Variants in THSD7B observed in about 807,000 individuals in gnomAD.
THSD7B encodes the protein thrombospondin type-1 domain-containing protein 7B.
A neutral mutation model predicts 213.6 loss-of-function variants in THSD7B; 138 were observed. That is an observed-to-expected ratio of 0.65 (90% CI 0.56 to 0.74). THSD7B has a LOEUF of 0.74. Among genes scored for constraint, THSD7B ranks in the 30% least tolerant of loss-of-function variants. The pLI, the probability that THSD7B is intolerant of heterozygous loss-of-function variation, is 0.00. For missense variants in THSD7B, 1,931 were observed against 1,991.5 expected (o/e 0.97, Z 0.58); for synonymous variants, 742 against 687.0 (o/e 1.08, Z -1.25).
intron 20 of THSD7B, among the ~76,000 whole-genome samples, chr2:137,640,350 GTAAGTC>G (rs1030305028): frequency 3.9e-5 from 6 of 152,132 alleles, no homozygotes; most frequent in African/African-American, 1.4e-4. Flanking sequence ...ATGTGGAACT[GTAAGTC>G]TAATTAAACT....
At chr2:137,315,676 G>T (rs1684080322) in intron 12 of THSD7B, among the ~76,000 whole-genome samples, 1 of 151,628 alleles carries the variant, frequency 6.6e-6, no homozygotes, top group South Asian at 2.1e-4. Flanking sequence ...TTCTTGTTCT[G>T]TTACCTTTTT....
intron 12 of THSD7B, among the ~76,000 whole-genome samples, chr2:137,334,917 A>G (rs1684604350): frequency 6.6e-6 from 1 of 152,028 alleles, no homozygotes; most frequent in Admixed American, 6.6e-5. Flanking sequence ...ATGAGATCTG[A>G]TGGTTTTATA....
chr2:137,067,901 G>A (rs1687411185), intron 3 of THSD7B, among the ~76,000 whole-genome samples: 2 of 151,988 alleles, frequency 1.3e-5, no homozygotes, highest in African/African-American at 4.8e-5. Context: ...GGCTACTGAA[G>A]GTATACTCAC....
intron 15 of THSD7B, chr2:137,538,382 A>C: frequency 2.2e-6 from 1 of 449,714 alleles, no homozygotes; most frequent in Non-Finnish European, 4.3e-6. Context: ...AGGGGAAAGG[A>C]TTTCTACTTT....
intron 16 of THSD7B, among the ~76,000 whole-genome samples, chr2:137,568,626 G>A (rs936848627): frequency 6.6e-6 from 1 of 152,148 alleles, no homozygotes; most frequent in African/African-American, 2.4e-5. Context: ...AAGCAAGCTT[G>A]GACCTTCTCA....
At chr2:137,593,485 A>G (rs1681903299) in intron 17 of THSD7B, among the ~76,000 whole-genome samples, 1 of 151,944 alleles carries the variant, frequency 6.6e-6, no homozygotes, top group South Asian at 2.1e-4. Context: ...ATATACAGTA[A>G]TATCTTTTAG....
intron 2 of THSD7B, among the ~76,000 whole-genome samples, chr2:136,950,566 G>A (rs1233136300): frequency 2.6e-5 from 4 of 152,132 alleles, no homozygotes; most frequent in African/African-American, 9.7e-5. Context: ...CTTTACGTCT[G>A]ATTCTTAATA....
intron 2 of THSD7B, among the ~76,000 whole-genome samples, chr2:136,913,487 C>T (rs1328886573): frequency 6.6e-6 from 1 of 152,208 alleles, no homozygotes; most frequent in African/African-American, 2.4e-5. Flanking sequence ...TGTCTCCAGG[C>T]CATGTCAGAG....
intron 12 of THSD7B, among the ~76,000 whole-genome samples, chr2:137,309,261 T>A (rs1401364676): frequency 6.6e-6 from 1 of 151,792 alleles, no homozygotes; most frequent in Non-Finnish European, 1.5e-5. Flanking sequence ...GTCATTTATA[T>A]TCCTTTTCAG....
chr2:136,814,544 G>T (rs374808827), intron 1 of THSD7B, among the ~76,000 whole-genome samples: 1 of 151,940 alleles, frequency 6.6e-6, no homozygotes, highest in Non-Finnish European at 1.5e-5. Context: ...GACTACAGGC[G>T]CCTGCCACCA....
At chr2:137,596,157 G>A (rs889262453) in intron 17 of THSD7B, among the ~76,000 whole-genome samples, 2 of 151,944 alleles carry the variant, frequency 1.3e-5, no homozygotes, top group Non-Finnish European at 2.9e-5. Context: ...AGGCAACATG[G>A]AAACTCACTA....
At chr2:137,383,901 TAAAC>T (rs1300113451) in intron 12 of THSD7B, among the ~76,000 whole-genome samples, 1 of 152,180 alleles carries the variant, frequency 6.6e-6, no homozygotes, top group Non-Finnish European at 1.5e-5. Flanking sequence ...CCCAGAATCA[TAAAC>T]AAATACATTT....
intron 12 of THSD7B, among the ~76,000 whole-genome samples, chr2:137,310,118 C>T (rs994220058): frequency 2.8e-4 from 43 of 152,080 alleles, no homozygotes; most frequent in Non-Finnish European, 4.7e-4. Flanking sequence ...TTTACAGTCC[C>T]ACCAACAGTG....
intron 1 of THSD7B, among the ~76,000 whole-genome samples, chr2:136,779,951 GAATCAGTAAAATTTA>G (rs1462948635): frequency 6.6e-6 from 1 of 152,074 alleles, no homozygotes; most frequent in Non-Finnish European, 1.5e-5. Context: ...AGTCTGGTCC[GAATCAGTAAAATTTA>G]AAGGCCAGAG....
intron 12 of THSD7B, among the ~76,000 whole-genome samples, chr2:137,315,120 G>A (rs1282951605): frequency 6.6e-6 from 1 of 152,302 alleles, no homozygotes; most frequent in East Asian, 1.9e-4. Flanking sequence ...CTGCCGCCTT[G>A]CAGTTTGATC....
chr2:136,882,528 A>G (rs1379452090), intron 2 of THSD7B, among the ~76,000 whole-genome samples: 1 of 152,056 alleles, frequency 6.6e-6, no homozygotes, highest in Non-Finnish European at 1.5e-5. Flanking sequence ...CTGAATTTTC[A>G]TGTTGTTGTC....
chr2:137,119,744 T>A (rs1384968314), intron 5 of THSD7B, among the ~76,000 whole-genome samples: 3 of 152,184 alleles, frequency 2.0e-5, no homozygotes, highest in Non-Finnish European at 4.4e-5. Flanking sequence ...AAGGAAATCT[T>A]CTATTGACTG....
intron 15 of THSD7B, among the ~76,000 whole-genome samples, chr2:137,466,930 C>G (rs995213132): frequency 6.6e-6 from 1 of 152,060 alleles, no homozygotes; most frequent in Admixed American, 6.6e-5. Flanking sequence ...AATGGCCCAG[C>G]AGTTTGCAGA....
chr2:136,842,542 T>C (rs920535836), intron 1 of THSD7B, among the ~76,000 whole-genome samples: 1 of 152,234 alleles, frequency 6.6e-6, no homozygotes, highest in Non-Finnish European at 1.5e-5. Flanking sequence ...ATAAAACCCC[T>C]AGTTTCTATC....
Sources: allele counts gnomAD v4.1 joint callset (sites outside exome capture counted in the v4.1 genomes callset), GRCh38; gene constraint gnomAD v4.1.1; transcripts MANE v1.5; gene names NCBI Gene and HGNC (gene_info 2026-07-23, HGNC 2026-07-21).